PPFIBP2: variants seen among roughly 807,000 people sequenced by gnomAD.
The protein encoded by PPFIBP2 is PPFIB scaffold protein 2.
Under a neutral mutation model 118.3 loss-of-function variants are expected in PPFIBP2, and 118 were observed. The ratio of observed to expected loss-of-function variants is 1.00; its 90% CI spans 0.86 to 1.16. PPFIBP2 has a LOEUF of 1.16. PPFIBP2 is among the 50% of genes most tolerant of loss of function. The pLI is 0.00. For synonymous variants in PPFIBP2, 414 were observed against 397.4 expected (o/e 1.04, Z -0.50); for missense variants, 1,195 against 1,073.1 (o/e 1.11, Z -1.59).
chr11:7,652,886 T>C, intron 23 of PPFIBP2, 138 bp from the exon 24 acceptor site: 1 of 1,029,306 alleles, frequency 9.7e-7, no homozygotes, highest in Non-Finnish European at 1.4e-6. Flanking sequence ...GAGCTCTGTT[T>C]TGTTCAGAGT....
At position 7,629,484 on chromosome 11, in the gene PPFIBP2, G is replaced by A. The variant is rs1187435168; in HGVS notation, c.914G>A (p.Gly305Glu). The part of the protein sequence containing the change: ...DKDRRIEELT[G>E]LLNQYRKVKE... ...GACCGTCGGATAGAGGAGCTTACGG[G>A]GCTGTTAAACCAGTACCGGAAGGTA... The change falls in exon 10 of 24, where the codon GGG becomes GAG. Residue 305 changes from glycine to glutamate, a missense_variant. By Grantham distance (98) the Gly-to-Glu change is moderately conservative. Coordinates refer to ENST00000299492, the MANE Select transcript of PPFIBP2 (RefSeq NM_003621.5). 2.5e-6 allele frequency: 4 copies of A among 1,613,950 alleles called. No homozygotes were observed. In the South Asian group the frequency reaches 4.4e-5, roughly 18 times the overall value.
chr11:7,565,421 C>T (rs1854851395), intron 2 of PPFIBP2, 132 bp from the exon 3 acceptor site: 2 of 903,836 alleles, frequency 2.2e-6, no homozygotes, highest in Non-Finnish European at 3.5e-6. Flanking sequence ...CAGGCGTGCA[C>T]CGCCATGCCC....
downstream of PPFIBP2, among the ~76,000 whole-genome samples, chr11:7,658,362 GT>G (rs1219757591): frequency 2.2e-4 from 25 of 112,012 alleles, no homozygotes; most frequent in African/African-American, 9.1e-4. Context: ...TGATCTCATT[GT>G]TCAATTCCCA....
the PPFIBP2 span, chr11:7,666,750 T>C: frequency 5.6e-3 from 2,644 of 474,222 alleles, 11 homozygotes; most frequent in Admixed American, 7.1e-3. Flanking sequence ...AGTTCCTCCA[T>C]GTGGATGAAG....
intron 5 of PPFIBP2, 69 bp from the exon 6 acceptor site, chr11:7,610,222 G>A (rs1258529369): frequency 1.9e-6 from 3 of 1,541,284 alleles, no homozygotes; most frequent in South Asian, 1.1e-5. Context: ...CTTATGTGCT[G>A]TAAATGAAGC....
chr11:7,620,692 C>A (rs1849243469), intron 6 of PPFIBP2, among the ~76,000 whole-genome samples: 1 of 152,234 alleles, frequency 6.6e-6, no homozygotes, highest in Non-Finnish European at 1.5e-5. Flanking sequence ...GAGAAAGGGG[C>A]AGGCAGAACA....
At chr11:7,593,069 T>C in intron 3 of PPFIBP2, 63 bp from the exon 4 acceptor site, 1 of 1,592,860 alleles carries the variant, frequency 6.3e-7, no homozygotes. Flanking sequence ...TTATTTCATT[T>C]AGAAGTTGGT....
intron 2 of PPFIBP2, among the ~76,000 whole-genome samples, chr11:7,552,534 T>C (rs1853109679): frequency 6.6e-6 from 1 of 152,192 alleles, no homozygotes; most frequent in African/African-American, 2.4e-5. Context: ...CTGTTCTTGC[T>C]CCCTTATAGA....
At chr11:7,604,926 C>T (rs1008496327) in intron 5 of PPFIBP2, among the ~76,000 whole-genome samples, 1 of 152,076 alleles carries the variant, frequency 6.6e-6, no homozygotes, top group Non-Finnish European at 1.5e-5. Context: ...GAGAACAGAG[C>T]CAAAGGCTGC....
At chr11:7,568,643 G>C (rs1855282674) in intron 3 of PPFIBP2, among the ~76,000 whole-genome samples, 1 of 152,208 alleles carries the variant, frequency 6.6e-6, no homozygotes, top group Non-Finnish European at 1.5e-5. Flanking sequence ...AATGATGATA[G>C]AGTGGGGGAA....
chr11:7,555,178 G>T (rs1853461779), intron 2 of PPFIBP2, among the ~76,000 whole-genome samples: 1 of 152,106 alleles, frequency 6.6e-6, no homozygotes, highest in Non-Finnish European at 1.5e-5. Context: ...CTTCTGGCAG[G>T]GGACCAGAGA....
At chr11:7,607,311 A>C (rs1244087871) in intron 5 of PPFIBP2, among the ~76,000 whole-genome samples, 1 of 149,108 alleles carries the variant, frequency 6.7e-6, no homozygotes, top group Non-Finnish European at 1.5e-5. Context: ...AGGTTCAATC[A>C]ATCCTCCCAC....
intron 5 of PPFIBP2, among the ~76,000 whole-genome samples, chr11:7,605,443 G>T (rs1847220079): frequency 6.6e-6 from 1 of 152,244 alleles, no homozygotes; most frequent in Non-Finnish European, 1.5e-5. Flanking sequence ...TTGCCAGGCA[G>T]TATTGGAAGA....
chr11:7,665,576 G>A, the PPFIBP2 span: 3 of 1,573,282 alleles, frequency 1.9e-6, no homozygotes, highest in Non-Finnish European at 2.6e-6. Flanking sequence ...GGAGCAAGCT[G>A]AGCGATGCCA....
chr11:7,535,990 A>T (rs1302581705), intron 1 of PPFIBP2, among the ~76,000 whole-genome samples: 1 of 152,214 alleles, frequency 6.6e-6, no homozygotes, highest in Non-Finnish European at 1.5e-5. Context: ...ACCACTGATG[A>T]GATGCCAAAG....
At chr11:7,592,118 A>G (rs4472926) in intron 3 of PPFIBP2, among the ~76,000 whole-genome samples, 48,953 of 152,030 alleles carry the variant, frequency 0.32, 7,872 homozygotes, top group South Asian at 0.4. Context: ...CAGATTGTAT[A>G]ATACTCAGTT....
chr11:7,662,865 C>G, the PPFIBP2 span, among the ~76,000 whole-genome samples: 1 of 148,612 alleles, frequency 6.7e-6, no homozygotes, highest in African/African-American at 2.4e-5. Context: ...TCTTTTTTCT[C>G]TAAACTTCCC....
chr11:7,582,170 T>C (rs1190180998), intron 3 of PPFIBP2, among the ~76,000 whole-genome samples: 2 of 152,172 alleles, frequency 1.3e-5, no homozygotes, highest in Non-Finnish European at 2.9e-5. Flanking sequence ...TAGGAAGCAC[T>C]TTATAAGTGT....
chr11:7,623,250 A>G (rs1316637625), intron 7 of PPFIBP2, among the ~76,000 whole-genome samples: 8 of 152,268 alleles, frequency 5.3e-5, no homozygotes, highest in African/African-American at 1.7e-4. Flanking sequence ...TCCCAGTGCA[A>G]TGGCAGTAGG....
Sources: allele counts gnomAD v4.1 joint callset (sites outside exome capture counted in the v4.1 genomes callset), GRCh38; gene constraint gnomAD v4.1.1; transcripts MANE v1.5; gene names NCBI Gene and HGNC (gene_info 2026-07-23, HGNC 2026-07-21).